TOP3A: variants seen among roughly 807,000 people sequenced by gnomAD.
TOP3A encodes DNA topoisomerase 3-alpha.
In TOP3A, 64 loss-of-function variants were observed where a neutral mutation model predicts 111.3. The observed-to-expected ratio is 0.57, with a 90% CI of 0.47 to 0.71. The LOEUF (loss-of-function observed/expected upper bound fraction) is 0.71, where lower values mean the gene tolerates loss of function less well. Ranked by LOEUF, TOP3A falls within the 30% of genes least tolerant of loss-of-function variation. The pLI, the probability that TOP3A is intolerant of heterozygous loss-of-function variation, is 0.00. For missense variants in TOP3A, 1,104 were observed against 1,285.0 expected (o/e 0.86, Z 2.15); for synonymous variants, 484 against 485.1 (o/e 1.00, Z 0.03).
Position 18,272,940 on chromosome 17 carries a change from C to G in TOP3A, c.*1862G>C, listed in dbSNP as rs936804455. The G allele has an allele frequency of 1.3e-5, 2 of 152,194 alleles. No individual in the cohort carries two copies. Among genetic ancestry groups the G allele is most frequent in the African/African-American group, 4.8e-5 (2 of 41,428 alleles). 9.4% of individuals were successfully genotyped at this position (152,194 alleles called of 1,614,324 possible). On this transcript the variant is annotated 3_prime_UTR_variant, in exon 19 of 19. Transcript: ENST00000321105. ...AAAGTGCTAGGATTACAGGCGTGAG[C>G]CACTGTGCCCAGCCTGGTATGATTC...
At chr17:18,280,686 T>G in intron 16 of TOP3A, 28 bp from the exon 17 acceptor site, 1 of 1,612,816 alleles carries the variant, frequency 6.2e-7, no homozygotes, top group South Asian at 1.1e-5. Flanking sequence ...TGTCAGATGA[T>G]AGGAGTGCAG....
At chr17:18,294,585 C>A in intron 10 of TOP3A, 118 bp downstream of exon 10, 1 of 719,580 alleles carries the variant, frequency 1.4e-6, no homozygotes, top group Non-Finnish European at 2.4e-6. Context: ...GCCTCAGCCA[C>A]CCAAAGTGAT....
At chr17:18,292,558 C>G in intron 11 of TOP3A, 87 bp downstream of exon 11, 1 of 1,162,830 alleles carries the variant, frequency 8.6e-7, no homozygotes, top group Non-Finnish European at 1.2e-6. Flanking sequence ...TTTACAATCA[C>G]AGCCCACAGA....
At chr17:18,287,166 G>A (rs892667574) in intron 13 of TOP3A, among the ~76,000 whole-genome samples, 1 of 152,098 alleles carries the variant, frequency 6.6e-6, no homozygotes, top group Non-Finnish European at 1.5e-5. Context: ...GGGAGGTTGA[G>A]GTAGGAGGAC....
At chr17:18,284,275 G>T (rs1354076773) in intron 15 of TOP3A, among the ~76,000 whole-genome samples, 1 of 151,590 alleles carries the variant, frequency 6.6e-6, no homozygotes, top group Non-Finnish European at 1.5e-5. Context: ...GCCTCCCAAA[G>T]TGCTGGGATT....
chr17:18,286,025 C>A (rs562980199), intron 13 of TOP3A, among the ~76,000 whole-genome samples: 2 of 152,146 alleles, frequency 1.3e-5, no homozygotes, highest in African/African-American at 2.4e-5. Context: ...CATGCTGAAA[C>A]CCTGTCTCTA....
intron 13 of TOP3A, among the ~76,000 whole-genome samples, chr17:18,289,556 G>A (rs2142959730): frequency 6.6e-6 from 1 of 152,302 alleles, no homozygotes; most frequent in East Asian, 1.9e-4. Flanking sequence ...GGGATTACAG[G>A]CGTGAGCCAC....
chr17:18,308,765 A>C, intron 2 of TOP3A, 117 bp downstream of exon 2: 1 of 596,074 alleles, frequency 1.7e-6, no homozygotes. Context: ...ATATCCAGGA[A>C]CCTTTAGGTT....
chr17:18,287,179 T>C (rs1475496683), intron 13 of TOP3A, among the ~76,000 whole-genome samples: 2 of 151,884 alleles, frequency 1.3e-5, no homozygotes, highest in Non-Finnish European at 2.9e-5. Context: ...AGGAGGACAG[T>C]TTGAGGGTGC....
chr17:18,308,934 CCTT>C lies in TOP3A; in HGVS notation c.185_187del (p.Glu62del), dbSNP rs1981749458. 1 of 1,534,856 alleles carries C rather than the reference CCTT, an allele frequency of 6.5e-7. No homozygotes were observed. Among genetic ancestry groups the C allele is most frequent in the Non-Finnish European group, 8.9e-7 (1 of 1,127,782 alleles). On this transcript the variant is annotated inframe_deletion, in exon 2 of 19. Transcript: ENST00000321105. ...ATAGATCTTGTTGAATTTTGAAAGT[CCTT>C]CTCTCTATAAAACAAAAATAAGTAA...
At chr17:18,282,980 C>G (rs557834782) in intron 15 of TOP3A, 139 bp from the exon 16 acceptor site, 40 of 1,124,198 alleles carry the variant, frequency 3.6e-5, no homozygotes, top group South Asian at 4.5e-5. Context: ...AGAGAACAGA[C>G]GGCAGACAGA....
intron 8 of TOP3A, 23 bp from the exon 9 acceptor site, chr17:18,299,656 A>C: frequency 6.2e-7 from 1 of 1,604,410 alleles, no homozygotes; most frequent in Non-Finnish European, 8.5e-7. Context: ...GAAAGAAAAG[A>C]CCATGTTAAC....
At position 18,274,987 on chromosome 17, in the gene TOP3A, GGA is replaced by G. The variant is rs771722307; in HGVS notation, c.2828-9_2828-8del. 1.2e-6 allele frequency: 2 copies of G among 1,612,676 alleles called. No individual in the cohort carries two copies. Among genetic ancestry groups the G allele is most frequent in the Non-Finnish European group, 1.7e-6 (2 of 1,179,412 alleles). On this transcript the variant is annotated splice_polypyrimidine_tract_variant and splice_region_variant and intron_variant, in intron 18 of 18. Coordinates refer to ENST00000321105, the MANE Select transcript of TOP3A (RefSeq NM_004618.5). ...GACGGGGCTCCAGAAGTCCCTGTCG[GGA>G]GAGTCAGGGGAGGGGTGAGGTTAGA... is the stretch of plus-strand genomic sequence containing the variant.
chr17:18,274,848 C>T lies in TOP3A; in HGVS notation c.2960G>A (p.Cys987Tyr). The T allele has an allele frequency of 1.2e-6, 2 of 1,614,224 alleles. No homozygotes were observed. Among genetic ancestry groups the T allele is most frequent in the African/African-American group, 1.3e-5 (1 of 75,056 alleles). ...TAKKPRKCSL[C>Y]HQPGHTRPFC... is the part of the protein sequence containing the mutation. ...GGGACGGGTGTGTCCAGGCTGGTGGCAAAGGCTGCATTTCCGGGGTTTCTT... is the reference window on the plus strand; with the variant it reads ...GGGACGGGTGTGTCCAGGCTGGTGGTAAAGGCTGCATTTCCGGGGTTTCTT... The change falls in exon 19 of 19, where the codon TGC becomes TAC. Residue 987 changes from cysteine to tyrosine, a missense_variant. Transcript: ENST00000321105.
At position 18,277,843 on chromosome 17, in the gene TOP3A, G is replaced by A. The variant is rs369683656; in HGVS notation, c.2659C>T (p.Pro887Ser). ...PGIHLGGFGN[P>S]GDGSGSGTSC... The stretch of plus-strand genomic sequence containing the variant: ...GTGCCACTACCACTGCCATCACCAG[G>A]GTTGCCAAACCCACCTAGGTGGATC... Residue 887 changes from proline to serine, a missense_variant, in exon 18 of 19, where the codon CCT becomes TCT. By Grantham distance (74) the Pro-to-Ser change is moderately conservative (BLOSUM62 -1). Transcript: ENST00000321105. 6.2e-6 allele frequency: 10 copies of A among 1,614,056 alleles called. No individual in the cohort carries two copies. Among genetic ancestry groups the A allele is most frequent in the Non-Finnish European group, 8.5e-6 (10 of 1,180,050 alleles).
At chr17:18,275,409 G>C (rs1235513408) in intron 18 of TOP3A, among the ~76,000 whole-genome samples, 3 of 146,438 alleles carry the variant, frequency 2.0e-5, no homozygotes, top group Non-Finnish European at 4.5e-5. Context: ...CTGGAGTGTG[G>C]AGTGCAGTGG....
intron 13 of TOP3A, among the ~76,000 whole-genome samples, chr17:18,288,151 ATT>A (rs1295233051): frequency 3.3e-4 from 42 of 126,602 alleles, no homozygotes; most frequent in African/African-American, 1.2e-3. Flanking sequence ...ATATATATAA[ATT>A]TTTTTTTTTT....
chr17:18,289,169 C>A (rs1156425285), intron 13 of TOP3A, among the ~76,000 whole-genome samples: 1 of 152,162 alleles, frequency 6.6e-6, no homozygotes, highest in South Asian at 2.1e-4. Flanking sequence ...TGTGCCACCA[C>A]GCCTAGCTAA....
rs1224557888 is a variant in TOP3A, at chr17:18,305,105, C to T, written c.499+7G>A. 1.2e-6 allele frequency: 2 copies of T among 1,609,310 alleles called. No homozygotes were observed. The highest frequency in any genetic ancestry group is 8.5e-7 in the Non-Finnish European group (1 of 1,175,630). ...TAGAGAAAGTCAGCAGCAGCAGCAG[C>T]ACTTACCAGCCTTACACACGTGGAT... On this transcript the variant is annotated splice_region_variant and intron_variant, in intron 5 of 18. Coordinates refer to ENST00000321105, the MANE Select transcript of TOP3A (RefSeq NM_004618.5).
Sources: allele counts gnomAD v4.1 joint callset (sites outside exome capture counted in the v4.1 genomes callset), GRCh38; gene constraint gnomAD v4.1.1; transcripts MANE v1.5; gene names NCBI Gene and HGNC (gene_info 2026-07-23, HGNC 2026-07-21).